SUSD2: variants seen among roughly 807,000 people sequenced by gnomAD.
SUSD2 encodes sushi domain containing 2, also known as sushi domain-containing protein 2.
In SUSD2, 86 loss-of-function variants were observed where a neutral mutation model predicts 93.8. The ratio of observed to expected loss-of-function variants is 0.92; its 90% CI spans 0.77 to 1.10. The LOEUF (loss-of-function observed/expected upper bound fraction) is 1.10. Ranked by LOEUF, SUSD2 falls within the 50% of genes least tolerant of loss-of-function variation. SUSD2 has a pLI of 0.00. For synonymous variants in SUSD2, 483 were observed against 485.0 expected (o/e 1.00, Z 0.05); for missense variants, 1,060 against 1,137.0 (o/e 0.93, Z 0.97).
Position 24,184,167 on chromosome 22 carries a change from G to A in SUSD2, c.471G>A (p.Lys157=), listed in dbSNP as rs752075149. ...CCAACAAAGTGTCAATGATGGAGAAGAGCGAGTTGGTGAACGAGACGCGTT... is the reference window on the plus strand; with the variant it reads ...CCAACAAAGTGTCAATGATGGAGAAAAGCGAGTTGGTGAACGAGACGCGTT... ...VHPNKVSMME[K]SELVNETRWQ... The change falls in exon 4 of 15, where the codon AAG becomes AAA. Residue 157 remains lysine, a synonymous_variant. Transcript: ENST00000358321. 2 of 1,612,720 alleles carry A rather than the reference G, an allele frequency of 1.2e-6. No individual in the cohort carries two copies. The highest frequency in any genetic ancestry group is 1.7e-5 in the Admixed American group (1 of 60,028).
Position 24,188,790 on chromosome 22 carries a change from A to C in SUSD2, c.*354A>C. On this transcript the variant is annotated 3_prime_UTR_variant, in exon 15 of 15. Transcript: ENST00000358321. The surrounding 1 kb of genome is among the most constrained non-coding windows in gnomAD (Gnocchi z 4.7). ...CTAGAGCCTGACGCCGGGGCCCCTGACCCCTGAGCCTCAGATTCCAATACC... is the reference window on the plus strand; with the variant it reads ...CTAGAGCCTGACGCCGGGGCCCCTGCCCCCTGAGCCTCAGATTCCAATACC... The C allele has an allele frequency of 4.4e-6, 1 of 229,302 alleles. No individual in the cohort carries two copies. Among genetic ancestry groups the C allele is most frequent in the Non-Finnish European group, 8.7e-6 (1 of 115,478 alleles). The allele number at this position is 229,302 out of a possible 1,614,324, so 14.2% of individuals were successfully genotyped here. A position where few individuals can be genotyped will look rare whatever the true frequency, so the allele number is the denominator to read the frequency against.
In SUSD2 at chr22:24,188,492, G is replaced by T; in HGVS notation, c.*56G>T. The T allele has an allele frequency of 6.4e-7, 1 of 1,553,306 alleles. No homozygotes were observed. Among genetic ancestry groups the T allele is most frequent in the Non-Finnish European group, 8.8e-7 (1 of 1,135,406 alleles). ...AAGACTCCTGAGAACAGGCAGCCCA[G>T]TCCTGCGACTCCCGCATCCCCAGGA... On this transcript the variant is annotated 3_prime_UTR_variant, in exon 15 of 15. Transcript: ENST00000358321. This position sits in a 1 kb window ranked among gnomAD's most constrained non-coding sequence, Gnocchi z 4.7.
At position 24,183,103 on chromosome 22, in the gene SUSD2, ATGTTCC is replaced by A. The variant is rs1366145413; in HGVS notation, c.126_131del (p.Ser43_Cys44del). ...TGCGCTGTGGCGCCCTGGACGGGCC[ATGTTCC>A]TGCCACCCGACGTGCTCTGGCCTTG... On this transcript the variant is annotated inframe_deletion, in exon 2 of 15. Coordinates refer to ENST00000358321, the MANE Select transcript of SUSD2 (RefSeq NM_019601.4). The A allele has an allele frequency of 3.1e-6, 5 of 1,614,018 alleles. No individual in the cohort carries two copies.
Position 24,187,796 on chromosome 22 carries a change from G to T in SUSD2, c.2117G>T (p.Arg706Leu). The T allele has an allele frequency of 6.2e-7, 1 of 1,613,650 alleles. No homozygotes were observed. The highest frequency in any genetic ancestry group is 8.5e-7 in the Non-Finnish European group (1 of 1,179,948). Residue 706 changes from arginine (R) to leucine (L), a missense_variant, in exon 12 of 15, where the codon CGG (arginine) becomes CTG (leucine). Physicochemically the swap from Arg to Leu is moderately radical, Grantham distance 102. Coordinates refer to ENST00000358321, the MANE Select transcript of SUSD2 (RefSeq NM_019601.4). ...AGCCTGAGCACGGGCACTGCCACTC[G>T]GGTGGCCCACCAGCTGCACCAGCGT... ...TGSLSTGTAT[R>L]VAHQLHQRRM...
At position 24,187,981 on chromosome 22, in the gene SUSD2, C is replaced by T. The variant is rs1368174461; in HGVS notation, c.2187C>T (p.Ala729=). ...LQPVVSCGWL[A]PPPNGQKEGN... Reference sequence around the variant, plus strand: ...CAGTGGTGTCCTGTGGCTGGCTGGCCCCACCTCCCAACGGACAAAAGGAGG... The same window carrying T: ...CAGTGGTGTCCTGTGGCTGGCTGGCTCCACCTCCCAACGGACAAAAGGAGG... Residue 729 remains alanine (A), a synonymous_variant, in exon 13 of 15, where the codon GCC becomes GCT. Transcript: ENST00000358321. The T allele has an allele frequency of 6.2e-7, 1 of 1,612,826 alleles. No individual in the cohort carries two copies. The highest frequency in any genetic ancestry group is 1.1e-5 in the South Asian group (1 of 91,084).
chr22:24,184,860 A>G lies in SUSD2; in HGVS notation c.702A>G (p.Pro234=), dbSNP rs1244212651. The change falls in exon 5 of 15, where the codon CCA becomes CCG. Residue 234 remains proline, a synonymous_variant. Transcript: ENST00000358321. ...ACTCCGGCTCTTTCACTTTCACCCC[A>G]AAACCTGCTCCTCCCAGCTACCAGA... ...IPNSGSFTFT[P]KPAPPSYQRW... 1.2e-6 allele frequency: 2 copies of G among 1,613,858 alleles called. No individual in the cohort carries two copies. The highest frequency in any genetic ancestry group is 3.3e-5 in the Admixed American group (2 of 59,988).
rs1475792409 is a variant in SUSD2 at position 24,183,912 on chromosome 22, A to G, written c.440-224A>G. The G allele has an allele frequency of 9.2e-6, 6 of 650,736 alleles. No homozygotes were observed. The East Asian group carries it at 1.6e-4, about 18-fold the overall frequency. 40.3% of individuals were successfully genotyped at this position (650,736 alleles called of 1,614,324 possible). A position where few individuals can be genotyped will look rare whatever the true frequency, so the allele number is the denominator to read the frequency against. ...CCACTGAGCTCCGCCATGCCAGGGC[A>G]GGGGAGAAGCCAGGTCGAGGCTAGA... On this transcript the variant is annotated intron_variant, in intron 3 of 14. Transcript: ENST00000358321.
At position 24,186,158 on chromosome 22, in the gene SUSD2, C is replaced by T. The variant is rs759816631; in HGVS notation, c.1482C>T (p.Asn494=). The T allele has an allele frequency of 1.4e-5, 22 of 1,608,478 alleles. No homozygotes were observed. Among genetic ancestry groups the T allele is most frequent in the Middle Eastern group, 3.3e-4 (2 of 6,056 alleles). Residue 494 remains asparagine, a splice_region_variant and synonymous_variant, in exon 9 of 15, where the codon AAC becomes AAT. Coordinates refer to ENST00000358321, the MANE Select transcript of SUSD2 (RefSeq NM_019601.4). ...GGGCCCAGCCCGGGACGATGTCCAACGGTGAGGCCAGGGCTAGGGGCTGCT... is the reference window on the plus strand; with the variant it reads ...GGGCCCAGCCCGGGACGATGTCCAATGGTGAGGCCAGGGCTAGGGGCTGCT... ...QARAQPGTMS[N]GTETRGTGLT... is the part of the protein sequence containing the mutation.
At position 24,185,512 on chromosome 22, in the gene SUSD2, G is replaced by A; in HGVS notation, c.1011G>A (p.Gln337=). 1.9e-6 allele frequency: 3 copies of A among 1,573,400 alleles called. No individual in the cohort carries two copies. The highest frequency in any genetic ancestry group is 2.6e-6 in the Non-Finnish European group (3 of 1,159,374). The change falls in exon 7 of 15, where the codon CAG becomes CAA. Residue 337 remains glutamine (Q), a synonymous_variant. Transcript: ENST00000358321. ...CGGACTACGGCTGTGACATGGAGCA[G>A]GGCAGCGTGTGCACCTACCACCCCG... ...FFTDYGCDME[Q]GSVCTYHPGA...
intron 1 of SUSD2, chr22:24,182,818 C>T (rs2047332968): frequency 3.7e-6 from 2 of 538,418 alleles, no homozygotes; most frequent in Non-Finnish European, 6.6e-6. Context: ...CCTCTTCTCG[C>T]TGCATTCTAG....
chr22:24,187,077 G>A lies in SUSD2; in HGVS notation c.1643-125G>A, dbSNP rs943874158. The A allele has an allele frequency of 5.8e-5, 77 of 1,323,774 alleles. 1 individual carries two copies. The South Asian group carries it at 7.0e-4, about 12-fold the overall frequency. The allele number at this position is 1,323,774 out of a possible 1,614,324, so 82.0% of individuals were successfully genotyped here. On this transcript the variant is annotated intron_variant, in intron 10 of 14. Coordinates refer to ENST00000358321, the MANE Select transcript of SUSD2 (RefSeq NM_019601.4). ...GGTCAGCAGAATTGGCCCCGGGAAC[G>A]CCCTCCCTTCCCCTGCAGGTGCCCT...
At chr22:24,185,443 A>G (rs1378657927) in intron 6 of SUSD2, 43 bp from the exon 7 acceptor site, 1 of 1,547,116 alleles carries the variant, frequency 6.5e-7, no homozygotes, top group African/African-American at 1.4e-5. Flanking sequence ...AGGGGATGAC[A>G]GAACCCGAGG....
chr22:24,187,307 T>G lies in SUSD2; in HGVS notation c.1748T>G (p.Leu583Arg). The G allele has an allele frequency of 6.2e-7, 1 of 1,614,102 alleles. No individual in the cohort carries two copies. Among genetic ancestry groups the G allele is most frequent in the African/African-American group, 1.3e-5 (1 of 75,024 alleles). ...VQGPFLSVSV[L>R]LPEKFLTHTH... ...GGCCCGTTCCTGAGTGTGTCCGTCC[T>G]GCTGCCTGAGAAGTTCCTCACCCAC... Residue 583 changes from leucine (L) to arginine (R), a missense_variant, in exon 11 of 15, where the codon CTG becomes CGG. Leu to Arg is a moderately radical substitution (Grantham distance 102). Around this residue, in one of 2 missense-constraint regions of SUSD2, gnomAD observed 973 missense variants for 1,005.3 expected, o/e 0.97. Coordinates refer to ENST00000358321, the MANE Select transcript of SUSD2 (RefSeq NM_019601.4).
chr22:24,187,973 T>G lies in SUSD2; in HGVS notation c.2179T>G (p.Trp727Gly). The G allele has an allele frequency of 1.2e-6, 2 of 1,612,848 alleles. No individual in the cohort carries two copies. Among genetic ancestry groups the G allele is most frequent in the Non-Finnish European group, 1.7e-6 (2 of 1,179,952 alleles). ...CCCCATCCCAGTGGTGTCCTGTGGCTGGCTGGCCCCACCTCCCAACGGACA... is the reference window on the plus strand; with the variant it reads ...CCCCATCCCAGTGGTGTCCTGTGGCGGGCTGGCCCCACCTCCCAACGGACA... The part of the protein sequence containing the change: ...QSLQPVVSCG[W>G]LAPPPNGQKE... Residue 727 changes from tryptophan to glycine, a missense_variant, in exon 13 of 15, where the codon TGG becomes GGG. Physicochemically the swap from Trp to Gly is radical, Grantham distance 184. Transcript: ENST00000358321.
chr22:24,185,625 A>G, intron 7 of SUSD2, 36 bp from the exon 8 acceptor site: 1 of 1,608,234 alleles, frequency 6.2e-7, no homozygotes, highest in Non-Finnish European at 8.5e-7. Flanking sequence ...GTGGGCTCCC[A>G]ACAGTGGCCT....
intron 2 of SUSD2, 30 bp from the exon 3 acceptor site, chr22:24,183,465 C>T (rs2047338521): frequency 6.3e-7 from 1 of 1,598,606 alleles, no homozygotes; most frequent in Non-Finnish European, 8.5e-7. Flanking sequence ...TGCAATGACC[C>T]AGCCCCTCCC....
Position 24,185,589 on chromosome 22 carries a change from G to C in SUSD2, c.1070+18G>C, listed in dbSNP as rs758375470. ...CAGGCCAGGTGAGCCCCCAGGCTGG[G>C]GCCGGTATGGGGATTGGGGTCAGGG... On this transcript the variant is annotated intron_variant, in intron 7 of 14. Transcript: ENST00000358321. The C allele has an allele frequency of 1.3e-6, 2 of 1,597,562 alleles. No individual in the cohort carries two copies. The highest frequency in any genetic ancestry group is 4.5e-5 in the East Asian group (2 of 44,234).
intron 7 of SUSD2, 37 bp downstream of exon 7, chr22:24,185,608 G>A: frequency 6.2e-7 from 1 of 1,604,590 alleles, no homozygotes; most frequent in South Asian, 1.1e-5. Context: ...GGGGATTGGG[G>A]TCAGGGGTGG....
chr22:24,187,965 C>T lies in SUSD2; in HGVS notation c.2171C>T (p.Ser724Phe). The T allele has an allele frequency of 6.2e-6, 10 of 1,612,848 alleles. No individual in the cohort carries two copies. Among genetic ancestry groups the T allele is most frequent in the Non-Finnish European group, 8.5e-6 (10 of 1,179,928 alleles). Residue 724 changes from serine (S) to phenylalanine (F), a missense_variant, in exon 13 of 15, where the codon TCC (serine) becomes TTC (phenylalanine). By Grantham distance (155) the Ser-to-Phe change is radical (BLOSUM62 -2). Around this residue, in one of 2 missense-constraint regions of SUSD2, gnomAD observed 973 missense variants for 1,005.3 expected, o/e 0.97. Transcript: ENST00000358321. ...CACTCTGTCCCCATCCCAGTGGTGT[C>T]CTGTGGCTGGCTGGCCCCACCTCCC... ...RRMQSLQPVV[S>F]CGWLAPPPNG...
Sources: gnomAD v4.1 joint callset for allele counts on GRCh38, gnomAD v4.1.1 for gene constraint, gnomAD v4.1.1 regional missense constraint, Gnocchi (gnomAD v3.1) non-coding constraint, MANE v1.5 for transcripts, NCBI Gene and HGNC (gene_info 2026-07-23, HGNC 2026-07-21) for gene names.